BMPR1B: variants seen among roughly 807,000 people sequenced by gnomAD.
BMPR1B encodes the protein bone morphogenetic protein receptor type 1B.
BMPR1B carries 12 observed loss-of-function variants against 59.1 expected under a neutral mutation model. That is an observed-to-expected ratio of 0.20 (90% CI 0.13 to 0.33). The LOEUF is 0.33. BMPR1B is among the 10% of genes least tolerant of loss of function. The pLI, the probability that BMPR1B is intolerant of heterozygous loss-of-function variation, is 1.00. For synonymous variants in BMPR1B, 237 were observed against 207.3 expected, an observed-to-expected ratio of 1.14 and a Z score of -1.23; for missense variants, 550 against 610.9, an observed-to-expected ratio of 0.90 and a Z score of 1.05.
intron 2 of BMPR1B, among the ~76,000 whole-genome samples, chr4:94,926,035 T>G (rs1728873005): frequency 9.0e-6 from 1 of 110,606 alleles, no homozygotes; most frequent in African/African-American, 3.9e-5. Flanking sequence ...GTCCTTTCCT[T>G]CCCCTCCCTC....
chr4:95,091,445 A>G (rs1018120695), intron 3 of BMPR1B: 4 of 984,814 alleles, frequency 4.1e-6, no homozygotes, highest in Non-Finnish European at 4.8e-6. Context: ...GCTGAGCTGT[A>G]TTAGGCAACC....
chr4:94,910,449 T>C (rs1728229273), intron 2 of BMPR1B, among the ~76,000 whole-genome samples: 1 of 152,122 alleles, frequency 6.6e-6, no homozygotes, highest in African/African-American at 2.4e-5. Flanking sequence ...CTTGAATTCT[T>C]TCCTGCTATT....
chr4:94,841,356 C>G (rs1424189253), intron 1 of BMPR1B, among the ~76,000 whole-genome samples: 1 of 149,406 alleles, frequency 6.7e-6, no homozygotes, highest in Non-Finnish European at 1.5e-5. Context: ...CGCCCCTCCC[C>G]CAGCCTCGCT....
At chr4:95,029,009 ATCTCT>A (rs1049713812) in intron 3 of BMPR1B, among the ~76,000 whole-genome samples, 1 of 150,988 alleles carries the variant, frequency 6.6e-6, no homozygotes, top group Non-Finnish European at 1.5e-5. Flanking sequence ...AATTGAAATG[ATCTCT>A]TATCTGTGTC....
chr4:95,130,718 CTTTTCTTTTTTTTTTTT>C (rs1166234802), intron 9 of BMPR1B, among the ~76,000 whole-genome samples: 1 of 109,984 alleles, frequency 9.1e-6, no homozygotes, highest in African/African-American at 3.4e-5. Context: ...TTTTTCTTTT[CTTTTCTTTTTTTTTTTT>C]TTTTTTTTTT....
Position 94,791,208 on chromosome 4 carries a change from C to T in BMPR1B, c.-183+33140C>T, listed in dbSNP as rs193118281. Among the ~76,000 whole-genome samples, 767 of 152,136 alleles carry T rather than the reference C, an allele frequency of 5.0e-3. 7 individuals are homozygous for T. Among genetic ancestry groups the T allele is most frequent in the Middle Eastern group, 0.034 (10 of 294 alleles). ...TTCACCATGTTGGCCAGGCTGGTCTCGAACTCCTGATCTCAAGTGATCCAC... is the reference window on the plus strand; with the variant it reads ...TTCACCATGTTGGCCAGGCTGGTCTTGAACTCCTGATCTCAAGTGATCCAC... On this transcript the variant is annotated intron_variant, in intron 1 of 12. Transcript: ENST00000515059.
At chr4:95,119,943 A>G (rs1732351331) in intron 6 of BMPR1B, among the ~76,000 whole-genome samples, 1 of 152,132 alleles carries the variant, frequency 6.6e-6, no homozygotes, top group Non-Finnish European at 1.5e-5. Context: ...TACAAGGGGT[A>G]CATGTGGAGA....
intron 3 of BMPR1B, among the ~76,000 whole-genome samples, chr4:95,019,479 G>A (rs531944162): frequency 2.5e-4 from 38 of 152,240 alleles, no homozygotes; most frequent in African/African-American, 8.4e-4. Flanking sequence ...TGCATATTTT[G>A]TTCCTTTCCA....
At chr4:94,937,868 A>G (rs933321593) in intron 2 of BMPR1B, among the ~76,000 whole-genome samples, 13 of 152,242 alleles carry the variant, frequency 8.5e-5, no homozygotes, top group Admixed American at 2.0e-4. Context: ...AAGTGGCACT[A>G]TGGTTTGAGC....
intron 1 of BMPR1B, among the ~76,000 whole-genome samples, chr4:94,809,707 A>G (rs963584700): frequency 2.6e-5 from 4 of 152,198 alleles, no homozygotes; most frequent in African/African-American, 9.7e-5. Flanking sequence ...CATTTGTTTC[A>G]CTCTTCAGAA....
chr4:95,057,614 C>A (rs1727030022), intron 3 of BMPR1B, among the ~76,000 whole-genome samples: 1 of 151,952 alleles, frequency 6.6e-6, no homozygotes, highest in Non-Finnish European at 1.5e-5. Flanking sequence ...TTTTTGATTG[C>A]CAGTGTAATC....
intron 2 of BMPR1B, among the ~76,000 whole-genome samples, chr4:94,898,312 A>G (rs759817188): frequency 1.1e-4 from 17 of 152,000 alleles, no homozygotes; most frequent in Non-Finnish European, 2.5e-4. Flanking sequence ...TAGACTAGAT[A>G]TTCTCTTCTT....
At chr4:95,133,726 C>T (rs1733551006) in intron 10 of BMPR1B, among the ~76,000 whole-genome samples, 1 of 151,858 alleles carries the variant, frequency 6.6e-6, no homozygotes, top group African/African-American at 2.4e-5. Flanking sequence ...CATGTGCCAC[C>T]ATGCCTGGCT....
At position 94,888,707 on chromosome 4, in the gene BMPR1B, T is replaced by C. The variant is rs190222321; in HGVS notation, c.-113+12807T>C. Among the ~76,000 whole-genome samples, 255 of 152,208 alleles carry C rather than the reference T, an allele frequency of 1.7e-3. 1 individual carries two copies. Among genetic ancestry groups the C allele is most frequent in the Admixed American group, 2.8e-3 (43 of 15,256 alleles). The stretch of plus-strand genomic sequence containing the variant: ...GGAAGGCTGACTGTAAATTTTTGCT[T>C]GCACCCATAAACTAAGTGACCCAGT... On this transcript the variant is annotated intron_variant, in intron 2 of 12. Transcript: ENST00000515059.
intron 3 of BMPR1B, among the ~76,000 whole-genome samples, chr4:95,063,764 C>G (rs1727591250): frequency 6.6e-6 from 1 of 151,842 alleles, no homozygotes; most frequent in Non-Finnish European, 1.5e-5. Flanking sequence ...TGACATATAA[C>G]TGGAAAGTAT....
At chr4:94,853,432 A>G (rs17022351) in intron 1 of BMPR1B, among the ~76,000 whole-genome samples, 2 of 152,024 alleles carry the variant, frequency 1.3e-5, no homozygotes, top group South Asian at 4.1e-4. Context: ...TTTTTGATCA[A>G]AGATGCAGGT....
chr4:94,888,223 C>T (rs1014630879), intron 2 of BMPR1B, among the ~76,000 whole-genome samples: 1 of 151,938 alleles, frequency 6.6e-6, no homozygotes, highest in African/African-American at 2.4e-5. Context: ...ATCAATTCTT[C>T]CTGAGGAATC....
intron 10 of BMPR1B, among the ~76,000 whole-genome samples, chr4:95,148,439 T>G (rs777555712): frequency 6.6e-6 from 1 of 152,036 alleles, no homozygotes; most frequent in Non-Finnish European, 1.5e-5. Flanking sequence ...TTTTAAGAGA[T>G]GGCATCTCAC....
chr4:95,069,275 T>A (rs1348808157), intron 3 of BMPR1B, among the ~76,000 whole-genome samples: 2 of 152,206 alleles, frequency 1.3e-5, no homozygotes, highest in Non-Finnish European at 2.9e-5. Flanking sequence ...TTGCTCTCTA[T>A]AGTCTATTCT....
Sources: allele counts gnomAD v4.1 joint callset (sites outside exome capture counted in the v4.1 genomes callset), GRCh38; gene constraint gnomAD v4.1.1; transcripts MANE v1.5; gene names NCBI Gene and HGNC (gene_info 2026-07-23, HGNC 2026-07-21).